PPARGC1A: variants seen among roughly 807,000 people sequenced by gnomAD.
PPARGC1A encodes the protein PPARG coactivator 1 alpha.
A neutral mutation model predicts 88.7 loss-of-function variants in PPARGC1A; 25 were observed. The ratio of observed to expected loss-of-function variants is 0.28; its 90% CI spans 0.21 to 0.39. The LOEUF is 0.39. PPARGC1A is among the 10% of genes least tolerant of loss of function. The pLI, the probability that PPARGC1A is intolerant of heterozygous loss-of-function variation, is 1.00. For synonymous variants in PPARGC1A, 363 were observed against 355.6 expected (o/e 1.02, Z -0.24); for missense variants, 880 against 968.7 (o/e 0.91, Z 1.22).
At chr4:23,999,987 T>C in the PPARGC1A span, among the ~76,000 whole-genome samples, 1 of 152,162 alleles carries the variant, frequency 6.6e-6, no homozygotes, top group Non-Finnish European at 1.5e-5. Flanking sequence ...GTCATTAAAA[T>C]GCTCTCGGGT....
At chr4:24,308,038 C>T in the PPARGC1A span, among the ~76,000 whole-genome samples, 1 of 151,810 alleles carries the variant, frequency 6.6e-6, no homozygotes, top group Non-Finnish European at 1.5e-5. Flanking sequence ...ATGCCTGTAA[C>T]CCCAGAACTT....
chr4:24,246,475 C>T, the PPARGC1A span, among the ~76,000 whole-genome samples: 23 of 151,992 alleles, frequency 1.5e-4, 1 homozygote, highest in Admixed American at 1.4e-3. Context: ...ATTAGCCGGG[C>T]GTGGTGGTGC....
the PPARGC1A span, among the ~76,000 whole-genome samples, chr4:24,143,837 G>T: frequency 2.0e-5 from 3 of 152,194 alleles, no homozygotes; most frequent in Non-Finnish European, 2.9e-5. Flanking sequence ...TCTCAGAACC[G>T]CCACTTGGCA....
At chr4:24,430,251 A>ATTTTT in the PPARGC1A span, among the ~76,000 whole-genome samples, 36 of 131,734 alleles carry the variant, frequency 2.7e-4, 2 homozygotes, top group East Asian at 2.8e-3. Context: ...GATATTTTGT[A>ATTTTT]TTTCTTTTTT....
In PPARGC1A at chr4:23,802,538, T is replaced by C. The variant is rs145917619; in HGVS notation, c.2020-193A>G. Among the ~76,000 whole-genome samples the C allele has an allele frequency of 7.8e-3, 1,181 of 151,340 alleles. 12 individuals carry two copies. The highest frequency in any genetic ancestry group is 0.025 in the African/African-American group (1,019 of 41,294). On this transcript the variant is annotated intron_variant, in intron 10 of 12. Transcript: ENST00000264867. Reference sequence around the variant, plus strand: ...ACTAAAAATACAAAAATTGGCCAGGTGTGGTGGTGGGCACCTGCAATCCCA... The same window carrying C: ...ACTAAAAATACAAAAATTGGCCAGGCGTGGTGGTGGGCACCTGCAATCCCA...
At chr4:23,916,589 G>A in the PPARGC1A span, among the ~76,000 whole-genome samples, 1 of 151,988 alleles carries the variant, frequency 6.6e-6, no homozygotes, top group South Asian at 2.1e-4. Context: ...TATCATGGGT[G>A]TTTCATCTCA....
At chr4:23,867,725 C>T (rs1712327818) in intron 2 of PPARGC1A, among the ~76,000 whole-genome samples, 2 of 152,146 alleles carry the variant, frequency 1.3e-5, no homozygotes. Flanking sequence ...AGAAATTACC[C>T]ATCATTCCCC....
the PPARGC1A span, among the ~76,000 whole-genome samples, chr4:24,116,292 T>A: frequency 6.6e-6 from 1 of 152,210 alleles, no homozygotes; most frequent in African/African-American, 2.4e-5. Flanking sequence ...CACTTGGAAT[T>A]ACATAGTTAA....
the PPARGC1A span, among the ~76,000 whole-genome samples, chr4:24,319,376 T>C: frequency 6.6e-6 from 1 of 152,100 alleles, no homozygotes; most frequent in Non-Finnish European, 1.5e-5. Context: ...ACTCATTCAT[T>C]TGAGAAAAGA....
At chr4:24,218,891 A>G in the PPARGC1A span, among the ~76,000 whole-genome samples, 3 of 152,260 alleles carry the variant, frequency 2.0e-5, no homozygotes, top group South Asian at 6.2e-4. Context: ...CTCCAGTGAC[A>G]TTTCCATGTC....
the PPARGC1A span, among the ~76,000 whole-genome samples, chr4:24,322,078 A>G: frequency 6.6e-6 from 1 of 152,222 alleles, no homozygotes; most frequent in East Asian, 1.9e-4. Context: ...CTTGCAAGGA[A>G]TTATTCCAGC....
chr4:24,054,308 TA>T, the PPARGC1A span, among the ~76,000 whole-genome samples: 23,663 of 134,786 alleles, frequency 0.18, 2,372 homozygotes, highest in Non-Finnish European at 0.25. Context: ...ATCCTTCTTG[TA>T]AAAAAAAAAA....
chr4:23,865,639 G>C (rs957478482), intron 2 of PPARGC1A, among the ~76,000 whole-genome samples: 2 of 152,148 alleles, frequency 1.3e-5, no homozygotes, highest in East Asian at 1.9e-4. Flanking sequence ...TGAGGACTGA[G>C]GCCTTGTGTT....
At chr4:24,229,152 CTTTTT>C in the PPARGC1A span, among the ~76,000 whole-genome samples, 1 of 60,922 alleles carries the variant, frequency 1.6e-5, no homozygotes, top group East Asian at 5.7e-4. Context: ...GTATCTGGAC[CTTTTT>C]TTTTTTTTTT....
At chr4:24,374,387 C>G in the PPARGC1A span, among the ~76,000 whole-genome samples, 1 of 151,622 alleles carries the variant, frequency 6.6e-6, no homozygotes, top group Non-Finnish European at 1.5e-5. Flanking sequence ...GGGAACATCG[C>G]ACATTGGGGT....
the PPARGC1A span, among the ~76,000 whole-genome samples, chr4:24,269,321 G>T: frequency 1.3e-5 from 2 of 151,902 alleles, no homozygotes; most frequent in African/African-American, 4.8e-5. Context: ...GTGGAAAAAT[G>T]GGTCTTCTTG....
chr4:23,969,998 C>T, the PPARGC1A span, among the ~76,000 whole-genome samples: 1 of 152,078 alleles, frequency 6.6e-6, no homozygotes, highest in Admixed American at 6.6e-5. Context: ...GCAAAAGAGA[C>T]AGCAAGATGG....
chr4:24,027,221 G>C, the PPARGC1A span, among the ~76,000 whole-genome samples: 1 of 120,702 alleles, frequency 8.3e-6, no homozygotes, highest in Non-Finnish European at 1.9e-5. Flanking sequence ...GTGTGTGTCT[G>C]TGTGTCTGTG....
At chr4:24,375,279 A>T in the PPARGC1A span, among the ~76,000 whole-genome samples, 1 of 152,114 alleles carries the variant, frequency 6.6e-6, no homozygotes, top group African/African-American at 2.4e-5. Context: ...TGATACATTG[A>T]TCCATGTCCC....
Sources: allele counts gnomAD v4.1 joint callset (sites outside exome capture counted in the v4.1 genomes callset), GRCh38; gene constraint gnomAD v4.1.1; transcripts MANE v1.5; gene names NCBI Gene and HGNC (gene_info 2026-07-23, HGNC 2026-07-21).